CREBRF: variants seen among roughly 807,000 people sequenced by gnomAD.
CREBRF encodes the protein CREB3 regulatory factor.
A neutral mutation model predicts 66.1 loss-of-function variants in CREBRF; 5 were observed. The observed-to-expected ratio is 0.08, with a 90% CI of 0.04 to 0.16. CREBRF has a LOEUF of 0.16. Among genes scored for constraint, CREBRF ranks in the 10% least tolerant of loss-of-function variants. The pLI, the probability that CREBRF is intolerant of heterozygous loss-of-function variation, is 1.00. For synonymous variants in CREBRF, 229 were observed against 264.4 expected, an observed-to-expected ratio of 0.87 and a Z score of 1.30; for missense variants, 531 against 744.9, an observed-to-expected ratio of 0.71 and a Z score of 3.34.
intron 4 of CREBRF, among the ~76,000 whole-genome samples, chr5:173,096,891 A>G (rs1469082145): frequency 1.3e-5 from 2 of 152,104 alleles, no homozygotes; most frequent in Non-Finnish European, 2.9e-5. Flanking sequence ...CAGTCTGTTA[A>G]TGTGGCATAT....
chr5:173,124,602 C>G (rs942678563), intron 8 of CREBRF: 1 of 148,644 alleles, frequency 6.7e-6, no homozygotes, highest in Admixed American at 6.7e-5. Context: ...CCAATATTGA[C>G]TAATTATTTT....
At chr5:173,118,908 TA>T (rs1035612763) in intron 7 of CREBRF, among the ~76,000 whole-genome samples, 60 of 150,700 alleles carry the variant, frequency 4.0e-4, no homozygotes, top group African/African-American at 1.4e-3. Context: ...AAAAAAAGAT[TA>T]AAAAAAAACA....
chr5:173,072,011 C>T (rs1201615026), intron 1 of CREBRF, among the ~76,000 whole-genome samples: 1 of 152,148 alleles, frequency 6.6e-6, no homozygotes, highest in Non-Finnish European at 1.5e-5. Flanking sequence ...GCTGAGATCA[C>T]TCCACATCAC....
chr5:173,112,235 C>T, intron 6 of CREBRF, 71 bp from the exon 7 acceptor site: 2 of 1,121,504 alleles, frequency 1.8e-6, no homozygotes, highest in Non-Finnish European at 1.3e-6. Context: ...GAGACCCCTT[C>T]TCCGTAATTA....
intron 3 of CREBRF, among the ~76,000 whole-genome samples, chr5:173,089,190 AC>A (rs1239820538): frequency 1.6e-4 from 23 of 147,616 alleles, no homozygotes; most frequent in Middle Eastern, 3.4e-3. Context: ...AAAAAAAAAA[AC>A]AAAAAAAAAA....
chr5:173,074,301 CAAA>C (rs34804335), intron 1 of CREBRF, among the ~76,000 whole-genome samples: 4 of 126,388 alleles, frequency 3.2e-5, no homozygotes, highest in Admixed American at 8.2e-5. Context: ...AAGTCTGTCT[CAAA>C]AAAAAAAAAA....
chr5:173,097,849 A>G (rs1581685843), intron 4 of CREBRF, among the ~76,000 whole-genome samples: 2 of 151,750 alleles, frequency 1.3e-5, no homozygotes, highest in African/African-American at 2.4e-5. Context: ...GATCTTTTCT[A>G]TTGTTTTTTA....
In CREBRF at chr5:173,131,455, G is replaced by C. The variant is rs79571944; in HGVS notation, c.1805-2175G>C. On this transcript the variant is annotated intron_variant, in intron 8 of 8. Transcript: ENST00000296953. ...TGCATTTAGTCATATCTCTTCTTTT[G>C]TTTTCTTTAGTCTACATCAGTCTCC... Among the ~76,000 whole-genome samples, 102 of 151,958 alleles carry C rather than the reference G, an allele frequency of 6.7e-4. 1 individual carries two copies. The East Asian group carries it at 0.018, about 27-fold the overall frequency.
chr5:173,090,834 A>T lies in CREBRF; in HGVS notation c.655A>T (p.Met219Leu). ...CACACAAATCATGGTGAAGACCAAC[A>T]TGTATCATAATGAAAAGGTGAACTT... ...SSTQIMVKTN[M>L]YHNEKVNFHV... The change falls in exon 4 of 9, where the codon ATG (methionine) becomes TTG (leucine). Residue 219 changes from methionine (M) to leucine (L), a missense_variant. Coordinates refer to ENST00000296953, the MANE Select transcript of CREBRF (RefSeq NM_153607.3). The surrounding 1 kb of genome is among the most constrained non-coding windows in gnomAD (Gnocchi z 4.5). The T allele has an allele frequency of 6.2e-7, 1 of 1,614,192 alleles. No individual in the cohort carries two copies. Among genetic ancestry groups the T allele is most frequent in the Non-Finnish European group, 8.5e-7 (1 of 1,180,040 alleles).
At position 173,091,596 on chromosome 5, in the gene CREBRF, G is replaced by A. The variant is rs1286924390; in HGVS notation, c.1222+195G>A. On this transcript the variant is annotated intron_variant, in intron 4 of 8. Coordinates refer to ENST00000296953, the MANE Select transcript of CREBRF (RefSeq NM_153607.3). The stretch of plus-strand genomic sequence containing the variant: ...AAATGATCACTTTTGCTCACATAGG[G>A]ATTCATAAGCTGATTCCTTGAGGGC... The A allele has an allele frequency of 3.3e-5, 44 of 1,339,662 alleles. 1 individual carries two copies. The East Asian group carries it at 1.2e-3, about 36-fold the overall frequency. 83.0% of individuals were successfully genotyped at this position (1,339,662 alleles called of 1,614,324 possible). A position where few individuals can be genotyped will look rare whatever the true frequency, so the allele number is the denominator to read the frequency against.
At chr5:173,125,244 C>T (rs1189812945) in intron 8 of CREBRF, among the ~76,000 whole-genome samples, 5 of 152,098 alleles carry the variant, frequency 3.3e-5, no homozygotes, top group Non-Finnish European at 5.9e-5. Flanking sequence ...TTCTGTTTCT[C>T]TTAAAGCATT....
intron 7 of CREBRF, among the ~76,000 whole-genome samples, chr5:173,114,871 C>T (rs551300184): frequency 6.6e-6 from 1 of 152,274 alleles, no homozygotes; most frequent in East Asian, 1.9e-4. Context: ...CAGAAAATCC[C>T]TTGATGAATA....
At chr5:173,086,132 G>C in intron 2 of CREBRF, 3 of 793,894 alleles carry the variant, frequency 3.8e-6, no homozygotes, top group Non-Finnish European at 6.9e-6. Flanking sequence ...ATGGAAATTT[G>C]TTTGTCGTGT....
rs1253162667 is a variant in CREBRF at position 173,090,421 on chromosome 5, A to G, written c.242A>G (p.Glu81Gly). Residue 81 changes from glutamate to glycine, a missense_variant, in exon 4 of 9, where the codon GAG (glutamate) becomes GGG (glycine). Around this residue, in one of 5 missense-constraint regions of CREBRF, gnomAD observed 133 missense variants for 215.6 expected, o/e 0.62. Coordinates refer to ENST00000296953, the MANE Select transcript of CREBRF (RefSeq NM_153607.3). This position sits in a 1 kb window ranked among gnomAD's most constrained non-coding sequence, Gnocchi z 4.5. ...TCTTTCACAGATGTCCTGGATAATG[A>G]GGGTGCTTTAACCTCAAACTGGGAA... ...LESFTDVLDN[E>G]GALTSNWEQW... is the part of the protein sequence containing the mutation. 1 of 1,614,068 alleles carries G rather than the reference A, an allele frequency of 6.2e-7. No individual in the cohort carries two copies. Among genetic ancestry groups the G allele is most frequent in the Non-Finnish European group, 8.5e-7 (1 of 1,179,922 alleles).
intron 3 of CREBRF, among the ~76,000 whole-genome samples, chr5:173,088,163 C>G (rs535285933): frequency 6.6e-6 from 1 of 151,080 alleles, no homozygotes; most frequent in Non-Finnish European, 1.5e-5. Flanking sequence ...GCAGAAAGGG[C>G]TCTGGAGAGA....
At chr5:173,058,990 T>C (rs570812864) in intron 1 of CREBRF, among the ~76,000 whole-genome samples, 34 of 151,200 alleles carry the variant, frequency 2.2e-4, no homozygotes, top group African/African-American at 7.8e-4. Context: ...AGAGACGGGG[T>C]TTCACCACGT....
intron 7 of CREBRF, among the ~76,000 whole-genome samples, chr5:173,113,744 A>G (rs1039021340): frequency 2.0e-5 from 3 of 152,184 alleles, no homozygotes; most frequent in Admixed American, 2.0e-4. Context: ...ACGGAATATA[A>G]CAAGAGTAGG....
intron 1 of CREBRF, among the ~76,000 whole-genome samples, chr5:173,076,805 T>C (rs975442191): frequency 6.7e-6 from 1 of 150,162 alleles, no homozygotes; most frequent in South Asian, 2.1e-4. Context: ...CTTAGAATTG[T>C]GGATCTGGAA....
chr5:173,067,673 T>A (rs959787374), intron 1 of CREBRF, among the ~76,000 whole-genome samples: 1 of 152,202 alleles, frequency 6.6e-6, no homozygotes, highest in Non-Finnish European at 1.5e-5. Context: ...GATTTCTCAC[T>A]GCAGTACAGT....
Sources: allele counts gnomAD v4.1 joint callset (sites outside exome capture counted in the v4.1 genomes callset), GRCh38; gene constraint gnomAD v4.1.1; regional missense constraint gnomAD v4.1.1; non-coding constraint Gnocchi (gnomAD v3.1); transcripts MANE v1.5; gene names NCBI Gene and HGNC (gene_info 2026-07-23, HGNC 2026-07-21).